ZNF727: variants seen among roughly 807,000 people sequenced by gnomAD.
ZNF727 encodes the protein zinc finger protein 727.
ZNF727 carries 11 observed loss-of-function variants against 11.5 expected under a neutral mutation model. The ratio of observed to expected loss-of-function variants is 0.95; its 90% CI spans 0.60 to 1.58. The LOEUF (loss-of-function observed/expected upper bound fraction) is 1.58. Among genes scored for constraint, ZNF727 ranks in the 40% most tolerant of loss-of-function variants. The probability of loss-of-function intolerance (pLI) is 0.00; values close to 1 mark genes in which losing one functional copy is unlikely to be tolerated. For missense variants in ZNF727, 533 were observed against 581.7 expected (o/e 0.92, Z 0.86); for synonymous variants, 171 against 196.1 (o/e 0.87, Z 1.07).
chr7:64,064,621 G>A (rs1789834491), intron 1 of ZNF727, among the ~76,000 whole-genome samples: 1 of 152,132 alleles, frequency 6.6e-6, no homozygotes, highest in South Asian at 2.1e-4. Flanking sequence ...CAAAGCACCA[G>A]GATTTGCCCA....
At chr7:64,062,482 C>T (rs949679442) in intron 1 of ZNF727, among the ~76,000 whole-genome samples, 24 of 151,568 alleles carry the variant, frequency 1.6e-4, no homozygotes, top group Admixed American at 1.1e-3. Flanking sequence ...TTAAGTATGT[C>T]ATGTCACCAT....
At chr7:64,074,835 T>C (rs1484037697) in intron 3 of ZNF727, among the ~76,000 whole-genome samples, 3 of 152,268 alleles carry the variant, frequency 2.0e-5, no homozygotes, top group Non-Finnish European at 1.5e-5. Flanking sequence ...ACTAATACCA[T>C]AGGACACTGT....
chr7:64,076,930 T>A (rs528098831), intron 3 of ZNF727, among the ~76,000 whole-genome samples: 1 of 152,258 alleles, frequency 6.6e-6, no homozygotes, highest in South Asian at 2.1e-4. Flanking sequence ...ACTGTTTTAT[T>A]TATTTTTGGA....
chr7:64,056,037 A>T (rs529056676), intron 1 of ZNF727, among the ~76,000 whole-genome samples: 2 of 152,076 alleles, frequency 1.3e-5, no homozygotes, highest in African/African-American at 4.8e-5. Flanking sequence ...TCCTCTTTAC[A>T]CCACTTGCTC....
At position 64,045,510 on chromosome 7, in the gene ZNF727, C is replaced by G. The variant is rs1789486764; in HGVS notation, c.-112C>G. The G allele has an allele frequency of 1.4e-6, 2 of 1,426,258 alleles. No homozygotes were observed. The highest frequency in any genetic ancestry group is 1.4e-5 in the African/African-American group (1 of 70,534). The allele number at this position is 1,426,258 out of a possible 1,614,324, so 88.4% of individuals were successfully genotyped here. On this transcript the variant is annotated 5_prime_UTR_variant, in exon 1 of 4. It adds an upstream start codon to the 5' untranslated region. Coordinates refer to ENST00000456806, the MANE Select transcript of ZNF727 (RefSeq NM_001159522.3). Reference sequence around the variant, plus strand: ...CCAGTACCCGTCTGTACTATTCCATCTCTTCCGCTCCATTAGCTCCTCGGT... The same window carrying G: ...CCAGTACCCGTCTGTACTATTCCATGTCTTCCGCTCCATTAGCTCCTCGGT...
In ZNF727 at chr7:64,067,094, A is replaced by G. The variant is rs1471815267; in HGVS notation, c.4-1797A>G. On this transcript the variant is annotated intron_variant, in intron 1 of 3. Transcript: ENST00000456806. ...CATCAAAAAGTGGGCAAAGGATACA[A>G]ACAGTCACTTTTCAAAAGAAGACAT... 2.0e-5 allele frequency among the ~76,000 whole-genome samples: 3 copies of G among 152,040 alleles called. No homozygotes were observed. The East Asian group carries it at 5.8e-4, about 29-fold the overall frequency.
rs1394956511 is a variant in ZNF727, at chr7:64,084,306, A to G, written c.*5757A>G. ...AAACTAAGGTAATTAAAATACAGTG[A>G]GTTTCAAAATGCCTTTTTAATGACA... On this transcript the variant is annotated 3_prime_UTR_variant, in exon 4 of 4. Transcript: ENST00000456806. Among the ~76,000 whole-genome samples the G allele has an allele frequency of 6.6e-6, 1 of 152,220 alleles. No individual in the cohort carries two copies. The highest frequency in any genetic ancestry group is 1.5e-5 in the Non-Finnish European group (1 of 68,034).
At chr7:64,075,162 T>C (rs2008970) in intron 3 of ZNF727, among the ~76,000 whole-genome samples, 150,330 of 152,114 alleles carry the variant, frequency 0.99, 74,291 homozygotes, top group East Asian at 1. Flanking sequence ...ACTTTGTCTA[T>C]ATAATTGTAT....
chr7:64,047,064 A>G (rs1789520028), intron 1 of ZNF727, among the ~76,000 whole-genome samples: 1 of 151,878 alleles, frequency 6.6e-6, no homozygotes, highest in African/African-American at 2.4e-5. Context: ...CCAGAGCATC[A>G]TGGCCATTTC....
chr7:64,073,993 G>T (rs775570098), intron 3 of ZNF727, among the ~76,000 whole-genome samples: 20 of 152,104 alleles, frequency 1.3e-4, no homozygotes, highest in Non-Finnish European at 2.5e-4. Flanking sequence ...CACTGTTCTA[G>T]ATCTCTCCTG....
At chr7:64,059,381 A>G (rs574593288) in intron 1 of ZNF727, among the ~76,000 whole-genome samples, 1 of 152,374 alleles carries the variant, frequency 6.6e-6, no homozygotes, top group Admixed American at 6.5e-5. Flanking sequence ...CCAGCCTTGT[A>G]TAGAAACTTG....
In ZNF727 at chr7:64,080,569, A is replaced by G. The variant is rs962695900; in HGVS notation, c.*2020A>G. On this transcript the variant is annotated 3_prime_UTR_variant, in exon 4 of 4. Coordinates refer to ENST00000456806, the MANE Select transcript of ZNF727 (RefSeq NM_001159522.3). ...CTGCAATTATTTTTTTCTTCTTTGCATTGGGTTGCAACTTACCTTTGTAGA... is the reference window on the plus strand; with the variant it reads ...CTGCAATTATTTTTTTCTTCTTTGCGTTGGGTTGCAACTTACCTTTGTAGA... 3.3e-5 allele frequency among the ~76,000 whole-genome samples: 5 copies of G among 152,014 alleles called. No homozygotes were observed. The highest frequency in any genetic ancestry group is 1.2e-4 in the African/African-American group (5 of 41,380).
At chr7:64,073,128 C>A (rs1789987861) in intron 3 of ZNF727, among the ~76,000 whole-genome samples, 1 of 151,668 alleles carries the variant, frequency 6.6e-6, no homozygotes, top group African/African-American at 2.4e-5. Flanking sequence ...TGATTGGTAG[C>A]ATTTTTTTTT....
At position 64,077,756 on chromosome 7, in the gene ZNF727, C is replaced by T. The variant is rs1197037482; in HGVS notation, c.707C>T (p.Thr236Ile). Residue 236 changes from threonine (T) to isoleucine (I), a missense_variant, in exon 4 of 4, where the codon ACA becomes ATA. Physicochemically the swap from Thr to Ile is moderately conservative, Grantham distance 89. Transcript: ENST00000456806. ...KPYKCEECGK[T>I]FTCSSALTKH... ...TACAAATGTGAAGAATGTGGCAAAA[C>T]ATTTACCTGTTCCTCAGCCCTTACT... 2.5e-6 allele frequency: 4 copies of T among 1,582,608 alleles called. No individual in the cohort carries two copies. Among genetic ancestry groups the T allele is most frequent in the Admixed American group, 3.6e-5 (2 of 54,864 alleles).
intron 1 of ZNF727, among the ~76,000 whole-genome samples, chr7:64,067,159 T>A (rs1789882334): frequency 6.6e-6 from 1 of 152,098 alleles, no homozygotes; most frequent in Non-Finnish European, 1.5e-5. Flanking sequence ...TCATCATCAC[T>A]GATCATTAGA....
At chr7:64,066,270 C>T (rs1789865881) in intron 1 of ZNF727, among the ~76,000 whole-genome samples, 1 of 152,114 alleles carries the variant, frequency 6.6e-6, no homozygotes, top group South Asian at 2.1e-4. Flanking sequence ...GTCAAGTTAC[C>T]ATTAACTTTC....
intron 1 of ZNF727, among the ~76,000 whole-genome samples, chr7:64,046,939 T>TTTA (rs939725550): frequency 5.7e-4 from 86 of 152,178 alleles, no homozygotes; most frequent in African/African-American, 2.0e-3. Flanking sequence ...TACTTAGAGC[T>TTTA]TTATTGGCAG....
intron 1 of ZNF727, among the ~76,000 whole-genome samples, chr7:64,046,831 T>C (rs1346503411): frequency 1.3e-5 from 2 of 152,166 alleles, no homozygotes; most frequent in Admixed American, 1.3e-4. Flanking sequence ...ACAAAAGGCT[T>C]TTGTAAGAGG....
chr7:64,045,531 T>C lies in ZNF727; in HGVS notation c.-91T>C. On this transcript the variant is annotated 5_prime_UTR_variant, in exon 1 of 4. Coordinates refer to ENST00000456806, the MANE Select transcript of ZNF727 (RefSeq NM_001159522.3). ...CCATCTCTTCCGCTCCATTAGCTCCTCGGTGACTCCACCATAGCCCCTGTT... is the reference window on the plus strand; with the variant it reads ...CCATCTCTTCCGCTCCATTAGCTCCCCGGTGACTCCACCATAGCCCCTGTT... 6.6e-7 allele frequency: 1 copy of C among 1,517,434 alleles called. No individual in the cohort carries two copies. The highest frequency in any genetic ancestry group is 9.0e-7 in the Non-Finnish European group (1 of 1,115,794). 94.0% of individuals were successfully genotyped at this position (1,517,434 alleles called of 1,614,324 possible). A position where few individuals can be genotyped will look rare whatever the true frequency, so the allele number is the denominator to read the frequency against.
Sources: gnomAD v4.1 joint callset for allele counts (sites outside exome capture counted in the v4.1 genomes callset) on GRCh38, gnomAD v4.1.1 for gene constraint, MANE v1.5 for transcripts, NCBI Gene and HGNC (gene_info 2026-07-23, HGNC 2026-07-21) for gene names.